The following PSD3 variants were observed in gnomAD, a reference collection of about 807,000 sequenced individuals.
PSD3 encodes PH and SEC7 domain-containing protein 3.
A neutral mutation model predicts 105.5 loss-of-function variants in PSD3; 49 were observed. The ratio of observed to expected loss-of-function variants is 0.46; its 90% CI spans 0.37 to 0.59. The LOEUF (loss-of-function observed/expected upper bound fraction) is 0.59, where lower values mean the gene tolerates loss of function less well. PSD3 is among the 20% of genes least tolerant of loss of function. The probability of loss-of-function intolerance (pLI) is 0.00; values close to 1 mark genes in which losing one functional copy is unlikely to be tolerated. For missense variants in PSD3, 1,561 were observed against 1,263.8 expected (o/e 1.24, Z -3.57); for synonymous variants, 557 against 457.8 (o/e 1.22, Z -2.77).
chr8:18,600,291 G>T, intron 12 of PSD3, 73 bp downstream of exon 12: 1 of 1,323,324 alleles, frequency 7.6e-7, no homozygotes, highest in Non-Finnish European at 1.1e-6. Context: ...GGAGACTACC[G>T]TACATACATA....
At chr8:18,586,494 T>C (rs1287298941) in intron 12 of PSD3, among the ~76,000 whole-genome samples, 1 of 152,182 alleles carries the variant, frequency 6.6e-6, no homozygotes, top group Non-Finnish European at 1.5e-5. Context: ...AAGTAACTGA[T>C]GAGCAACTAA....
chr8:18,973,252 G>C (rs1824752083), intron 1 of PSD3, among the ~76,000 whole-genome samples: 1 of 152,182 alleles, frequency 6.6e-6, no homozygotes, highest in African/African-American at 2.4e-5. Flanking sequence ...CCTCAAGATG[G>C]GGATGATGAC....
At chr8:18,578,501 T>C (rs1011065013) in intron 12 of PSD3, among the ~76,000 whole-genome samples, 3 of 152,140 alleles carry the variant, frequency 2.0e-5, no homozygotes, top group Admixed American at 1.3e-4. Flanking sequence ...TTCTTCTTCA[T>C]GCCCTTCTAT....
intron 1 of PSD3, among the ~76,000 whole-genome samples, chr8:19,083,005 G>A (rs1383705956): frequency 1.3e-5 from 2 of 152,168 alleles, no homozygotes; most frequent in African/African-American, 4.8e-5. Flanking sequence ...AAGCCTGCAG[G>A]AGAGGGCATG....
rs74354891 is a variant in PSD3, at chr8:18,980,937, C to T, written c.21+32626G>A. ...CGCTGGTCTTCGCACTTAGCTACTC[C>T]CCCAACTGGAATACCACCCTCTTCT... On this transcript the variant is annotated intron_variant, in intron 1 of 15. Transcript: ENST00000327040. Among the ~76,000 whole-genome samples, 719 of 152,244 alleles carry T rather than the reference C, an allele frequency of 4.7e-3. 5 individuals are homozygous for T. The highest frequency in any genetic ancestry group is 0.017 in the African/African-American group (696 of 41,532).
At chr8:18,817,119 A>T (rs2632840) in intron 4 of PSD3, among the ~76,000 whole-genome samples, 4,799 of 152,304 alleles carry the variant, frequency 0.032, 106 homozygotes, top group Non-Finnish European at 0.047. Flanking sequence ...GGAGTTAAAG[A>T]GTCCCAAGGA....
chr8:18,999,169 C>G (rs1385050102), intron 1 of PSD3, among the ~76,000 whole-genome samples: 1 of 151,884 alleles, frequency 6.6e-6, no homozygotes, highest in Non-Finnish European at 1.5e-5. Context: ...CTTATAATAA[C>G]CCTTTTCATT....
chr8:18,749,391 G>A (rs993379471), intron 9 of PSD3, among the ~76,000 whole-genome samples: 3 of 152,170 alleles, frequency 2.0e-5, no homozygotes, highest in Non-Finnish European at 4.4e-5. Flanking sequence ...CCAGTTGAAA[G>A]TCATTTCTCT....
intron 8 of PSD3, among the ~76,000 whole-genome samples, chr8:18,774,074 G>A (rs1182113960): frequency 1.3e-5 from 2 of 152,124 alleles, no homozygotes; most frequent in African/African-American, 4.8e-5. Flanking sequence ...GTATTTTGCA[G>A]CCTTGCTGAA....
At chr8:18,630,535 T>C (rs1387651160) in intron 11 of PSD3, among the ~76,000 whole-genome samples, 1 of 151,976 alleles carries the variant, frequency 6.6e-6, no homozygotes. Context: ...AGGAAATGAA[T>C]CAATGAAAAG....
chr8:18,913,619 G>A (rs557322535), intron 2 of PSD3, among the ~76,000 whole-genome samples: 7 of 152,076 alleles, frequency 4.6e-5, no homozygotes, highest in Admixed American at 4.6e-4. Context: ...ACGAACCCAG[G>A]ACCCAGGCCC....
chr8:18,834,736 G>GA (rs1046628814), intron 4 of PSD3, among the ~76,000 whole-genome samples: 6 of 152,146 alleles, frequency 3.9e-5, no homozygotes, highest in African/African-American at 1.4e-4. Context: ...AAGACGCCAT[G>GA]AAAAAAAGGG....
chr8:19,063,186 A>G (rs1828961534), intron 1 of PSD3, among the ~76,000 whole-genome samples: 1 of 152,254 alleles, frequency 6.6e-6, no homozygotes, highest in Non-Finnish European at 1.5e-5. Flanking sequence ...TAGTTTCTGA[A>G]TACAGGACAA....
At chr8:18,586,765 G>A (rs534393764) in intron 12 of PSD3, among the ~76,000 whole-genome samples, 11 of 152,232 alleles carry the variant, frequency 7.2e-5, no homozygotes, top group Admixed American at 3.3e-4. Flanking sequence ...CCCCAAGGCC[G>A]AGACGTTGGC....
chr8:18,994,391 C>A (rs187324068), intron 1 of PSD3, among the ~76,000 whole-genome samples: 2 of 152,146 alleles, frequency 1.3e-5, no homozygotes, highest in Admixed American at 1.3e-4. Flanking sequence ...TAATACTTAA[C>A]TAACCATATA....
chr8:18,586,152 T>C (rs1402944282), intron 12 of PSD3, among the ~76,000 whole-genome samples: 1 of 152,100 alleles, frequency 6.6e-6, no homozygotes, highest in East Asian at 1.9e-4. Flanking sequence ...AGGCATGAGA[T>C]ATTATTTATT....
intron 1 of PSD3, among the ~76,000 whole-genome samples, chr8:19,078,048 TGA>T (rs988256160): frequency 2.0e-5 from 3 of 152,156 alleles, no homozygotes; most frequent in Non-Finnish European, 2.9e-5. Context: ...TTGTTCTTTT[TGA>T]GACACAGTCT....
chr8:18,677,903 G>A lies in PSD3; in HGVS notation c.2173-22218C>T, dbSNP rs560038285. Among the ~76,000 whole-genome samples the A allele has an allele frequency of 1.3e-3, 194 of 151,972 alleles. 1 individual carries two copies. The Middle Eastern group carries it at 0.017, about 14-fold the overall frequency. ...CGGGTGCCTGTAGTCCCAGCTACTCGGGAGGCTGAAGCAGGAGAGTGGTGT... is the reference window on the plus strand; with the variant it reads ...CGGGTGCCTGTAGTCCCAGCTACTCAGGAGGCTGAAGCAGGAGAGTGGTGT... On this transcript the variant is annotated intron_variant, in intron 9 of 15. Coordinates refer to ENST00000327040, the MANE Select transcript of PSD3 (RefSeq NM_015310.4).
intron 8 of PSD3, among the ~76,000 whole-genome samples, chr8:18,798,593 A>AC (rs1190527440): frequency 2.0e-5 from 3 of 152,160 alleles, no homozygotes; most frequent in African/African-American, 7.2e-5. Context: ...GGGATAATAT[A>AC]CTCTACACAG....
Sources: gnomAD v4.1 joint callset for allele counts (sites outside exome capture counted in the v4.1 genomes callset) on GRCh38, gnomAD v4.1.1 for gene constraint, MANE v1.5 for transcripts, NCBI Gene and HGNC (gene_info 2026-07-23, HGNC 2026-07-21) for gene names.